The following GFPT2 variants were observed in gnomAD, a reference collection of about 807,000 sequenced individuals.
GFPT2 encodes the protein glutamine--fructose-6-phosphate aminotransferase [isomerizing] 2.
A neutral mutation model predicts 85.6 loss-of-function variants in GFPT2; 62 were observed. The ratio of observed to expected loss-of-function variants is 0.72; its 90% CI spans 0.59 to 0.90. The LOEUF (loss-of-function observed/expected upper bound fraction) is 0.90. Ranked by LOEUF, GFPT2 falls within the 40% of genes least tolerant of loss-of-function variation. The pLI, the probability that GFPT2 is intolerant of heterozygous loss-of-function variation, is 0.00. For synonymous variants in GFPT2, 368 were observed against 344.5 expected, an observed-to-expected ratio of 1.07 and a Z score of -0.75; for missense variants, 788 against 893.4, an observed-to-expected ratio of 0.88 and a Z score of 1.50.
In GFPT2 at chr5:180,304,505, C is replaced by A. The variant is rs573661809; in HGVS notation, c.1842+267G>T. Among the ~76,000 whole-genome samples the A allele has an allele frequency of 7.9e-5, 12 of 152,328 alleles. No individual in the cohort carries two copies. In the South Asian group the frequency reaches 2.3e-3, roughly 29 times the overall value. On this transcript the variant is annotated intron_variant, in intron 17 of 18. Coordinates refer to ENST00000253778, the MANE Select transcript of GFPT2 (RefSeq NM_005110.4). ...GCCCCAGGGATGTCCACCAGGAGTA[C>A]CTCCCCTGAGCTCCAGGCTAGGATC...
Position 180,313,802 on chromosome 5 carries a change from C to G in GFPT2, c.1431+5G>C. 1.3e-6 allele frequency: 2 copies of G among 1,547,496 alleles called. No homozygotes were observed. The highest frequency in any genetic ancestry group is 1.7e-6 in the Non-Finnish European group (2 of 1,151,174). On this transcript the variant is annotated splice_donor_5th_base_variant and intron_variant, in intron 14 of 18. Transcript: ENST00000253778. Reference sequence around the variant, plus strand: ...CCTGGGACGGGCGCCCGTGGCTCCTCCTACCTTGGTGCTGGCCACGCCGAT... The same window carrying G: ...CCTGGGACGGGCGCCCGTGGCTCCTGCTACCTTGGTGCTGGCCACGCCGAT...
At chr5:180,325,629 CA>C (rs2127652575) in intron 7 of GFPT2, among the ~76,000 whole-genome samples, 1 of 152,372 alleles carries the variant, frequency 6.6e-6, no homozygotes, top group African/African-American at 2.4e-5. Flanking sequence ...CTGTCTCAGC[CA>C]CTGCAGCCCG....
intron 13 of GFPT2, among the ~76,000 whole-genome samples, chr5:180,315,347 G>T (rs113397623): frequency 0.024 from 3,633 of 151,948 alleles, 115 homozygotes; most frequent in East Asian, 0.14. Context: ...CCGGCTAATT[G>T]TTTTATATTT....
intron 15 of GFPT2, among the ~76,000 whole-genome samples, chr5:180,311,006 C>T (rs910046403): frequency 1.8e-4 from 28 of 152,188 alleles, no homozygotes; most frequent in African/African-American, 6.8e-4. Flanking sequence ...TATGACCTGG[C>T]TTAAAGGAAG....
chr5:180,319,025 G>A, intron 9 of GFPT2, 69 bp from the exon 10 acceptor site: 1 of 1,497,674 alleles, frequency 6.7e-7, no homozygotes, highest in African/African-American at 1.4e-5. Context: ...GCCCCTTGCT[G>A]GTTCCCAAGC....
Position 180,352,005 on chromosome 5 carries a change from C to T in GFPT2, c.7+1206G>A, listed in dbSNP as rs184080447. 2.0e-5 allele frequency among the ~76,000 whole-genome samples: 3 copies of T among 152,234 alleles called. No individual in the cohort carries two copies. In the East Asian group the frequency reaches 5.8e-4, roughly 29 times the overall value. On this transcript the variant is annotated intron_variant, in intron 1 of 18. Transcript: ENST00000253778. ...CTACCACCTTTGCCTCATCTCTGCCCCCAGAAACACCCAAAGGTGGCTCTA... is the reference window on the plus strand; with the variant it reads ...CTACCACCTTTGCCTCATCTCTGCCTCCAGAAACACCCAAAGGTGGCTCTA...
At chr5:180,314,681 G>A (rs1410134155) in intron 13 of GFPT2, among the ~76,000 whole-genome samples, 1 of 152,210 alleles carries the variant, frequency 6.6e-6, no homozygotes, top group African/African-American at 2.4e-5. Context: ...CCCGGTGCTA[G>A]GTGGCCCAAT....
At chr5:180,331,317 G>A (rs1353564639) in intron 5 of GFPT2, 178 bp downstream of exon 5, 10 of 602,004 alleles carry the variant, frequency 1.7e-5, no homozygotes, top group Admixed American at 3.1e-5. Context: ...CTCCTCAAAC[G>A]AGATCTGCAG....
chr5:180,312,641 T>C (rs1378279791), intron 14 of GFPT2, 97 bp from the exon 15 acceptor site: 1 of 685,176 alleles, frequency 1.5e-6, no homozygotes, highest in Non-Finnish European at 2.6e-6. Context: ...CACGCCTGAG[T>C]GCAGTGGCGA....
At position 180,307,237 on chromosome 5, in the gene GFPT2, T is replaced by A; in HGVS notation, c.1613A>T (p.Gln538Leu). 1 of 1,613,270 alleles carries A rather than the reference T, an allele frequency of 6.2e-7. No individual in the cohort carries two copies. The highest frequency in any genetic ancestry group is 8.5e-7 in the Non-Finnish European group (1 of 1,179,558). The stretch of plus-strand genomic sequence containing the variant: ...CCGCCCCATCACCAGCAGCGATCTC[T>A]GCGTGTAGAGCTCCAGGGCCAAGTC... ...IHDLALELYT[Q>L]RSLLVMGRGY... is the part of the protein sequence containing the mutation. Residue 538 changes from glutamine (Q) to leucine (L), a missense_variant, in exon 16 of 19, where the codon CAG (glutamine) becomes CTG (leucine). Coordinates refer to ENST00000253778, the MANE Select transcript of GFPT2 (RefSeq NM_005110.4).
intron 12 of GFPT2, 103 bp from the exon 13 acceptor site, chr5:180,316,564 T>C (rs945428595): frequency 1.0e-5 from 14 of 1,335,266 alleles, no homozygotes; most frequent in Non-Finnish European, 1.4e-5. Context: ...GGAACCTCAC[T>C]GTCCAGGTGG....
chr5:180,316,744 C>T lies in GFPT2; in HGVS notation c.1152+20G>A, dbSNP rs371202358. ...TCCTAGACTGCCGTCGACTTCCCCA[C>T]GCACATGTGTCACACTTACAGCCAC... On this transcript the variant is annotated intron_variant, in intron 12 of 18. Coordinates refer to ENST00000253778, the MANE Select transcript of GFPT2 (RefSeq NM_005110.4). 2.8e-5 allele frequency: 43 copies of T among 1,551,306 alleles called. 1 individual carries two copies. Among genetic ancestry groups the T allele is most frequent in the South Asian group, 2.6e-4 (23 of 89,072 alleles).
chr5:180,328,110 G>T lies in GFPT2; in HGVS notation c.596+167C>A, dbSNP rs1764244717. On this transcript the variant is annotated intron_variant, in intron 7 of 18. Transcript: ENST00000253778. The surrounding 1 kb of genome is among the most constrained non-coding windows in gnomAD (Gnocchi z 5.4). ...TTAATTCAGAAGTGTAGCACCACCA[G>T]CCATGGAGATGGTGGGGCGCGGTCC... Among the ~76,000 whole-genome samples the T allele has an allele frequency of 6.6e-6, 1 of 150,820 alleles. No individual in the cohort carries two copies. The highest frequency in any genetic ancestry group is 6.6e-5 in the Admixed American group (1 of 15,144).
chr5:180,306,692 G>A (rs1333375608), intron 16 of GFPT2, among the ~76,000 whole-genome samples: 1 of 152,184 alleles, frequency 6.6e-6, no homozygotes, highest in East Asian at 1.9e-4. Context: ...GAAACTCTGC[G>A]GAGAACCCAC....
intron 1 of GFPT2, among the ~76,000 whole-genome samples, chr5:180,339,120 C>T (rs1764459768): frequency 6.6e-6 from 1 of 152,110 alleles, no homozygotes; most frequent in South Asian, 2.1e-4. Context: ...TGGCTCATGC[C>T]TGTAATCCCA....
Position 180,301,333 on chromosome 5 carries a change from C to G in GFPT2, c.*231G>C. The G allele has an allele frequency of 1.2e-5, 7 of 592,390 alleles. No individual in the cohort carries two copies. The highest frequency in any genetic ancestry group is 2.1e-5 in the Non-Finnish European group (7 of 332,754). 36.7% of individuals were successfully genotyped at this position (592,390 alleles called of 1,614,324 possible). ...CAGTAGTGGAGAAGTCTGCTCTGATCCCCATGTGTAAACAATGATTCCCTT... is the reference window on the plus strand; with the variant it reads ...CAGTAGTGGAGAAGTCTGCTCTGATGCCCATGTGTAAACAATGATTCCCTT... On this transcript the variant is annotated 3_prime_UTR_variant, in exon 19 of 19. Coordinates refer to ENST00000253778, the MANE Select transcript of GFPT2 (RefSeq NM_005110.4).
chr5:180,305,983 CTT>C (rs59887076), intron 16 of GFPT2, among the ~76,000 whole-genome samples: 1,870 of 138,708 alleles, frequency 0.013, 34 homozygotes, highest in African/African-American at 0.045. Flanking sequence ...TTCTTTCTTT[CTT>C]TTTTTTTTTT....
chr5:180,332,059 T>G (rs1279126635), intron 4 of GFPT2, among the ~76,000 whole-genome samples: 1 of 152,238 alleles, frequency 6.6e-6, no homozygotes, highest in Non-Finnish European at 1.5e-5. Context: ...TTTAAAATCC[T>G]GGTTTCCTTG....
intron 2 of GFPT2, among the ~76,000 whole-genome samples, chr5:180,337,975 A>C (rs1417784030): frequency 6.6e-6 from 1 of 151,990 alleles, no homozygotes; most frequent in East Asian, 1.9e-4. Context: ...TCTACAAAAA[A>C]TAAAAAATTA....
Sources: gnomAD v4.1 joint callset for allele counts (sites outside exome capture counted in the v4.1 genomes callset) on GRCh38, gnomAD v4.1.1 for gene constraint, Gnocchi (gnomAD v3.1) non-coding constraint, MANE v1.5 for transcripts, NCBI Gene and HGNC (gene_info 2026-07-23, HGNC 2026-07-21) for gene names.